Variants in SUSD5 observed in about 807,000 individuals in gnomAD.
The protein encoded by SUSD5 is sushi domain-containing protein 5.
A neutral mutation model predicts 29.5 loss-of-function variants in SUSD5; 33 were observed. The observed-to-expected ratio is 1.12, with a 90% CI of 0.85 to 1.49. The LOEUF is 1.49. SUSD5 is among the 40% of genes most tolerant of loss of function. The probability of loss-of-function intolerance (pLI) is 0.00; values close to 1 mark genes in which losing one functional copy is unlikely to be tolerated. For synonymous variants in SUSD5, 308 were observed against 325.3 expected (o/e 0.95, Z 0.57); for missense variants, 776 against 800.6 (o/e 0.97, Z 0.37).
chr3:33,166,595 C>A (rs555348987), intron 4 of SUSD5, among the ~76,000 whole-genome samples: 1 of 152,270 alleles, frequency 6.6e-6, no homozygotes, highest in South Asian at 2.1e-4. Flanking sequence ...CCAGGAACTT[C>A]CTGAGAACAA....
chr3:33,159,293 C>T (rs1173289475), intron 4 of SUSD5, among the ~76,000 whole-genome samples: 1 of 152,144 alleles, frequency 6.6e-6, no homozygotes, highest in Non-Finnish European at 1.5e-5. Flanking sequence ...CAGAATTCTA[C>T]CCAAATAACC....
intron 3 of SUSD5, among the ~76,000 whole-genome samples, chr3:33,206,874 G>A (rs2032230825): frequency 6.6e-6 from 1 of 152,114 alleles, no homozygotes; most frequent in African/African-American, 2.4e-5. Flanking sequence ...AGAATCTTTA[G>A]CGCTGGCACT....
intron 1 of SUSD5, among the ~76,000 whole-genome samples, chr3:33,216,870 T>A (rs1419324122): frequency 6.6e-6 from 1 of 152,158 alleles, no homozygotes; most frequent in Admixed American, 6.5e-5. Flanking sequence ...CTGGTTCTAG[T>A]ATAAAAGTTG....
At chr3:33,213,244 T>C (rs1354606570) in intron 2 of SUSD5, among the ~76,000 whole-genome samples, 2 of 151,626 alleles carry the variant, frequency 1.3e-5, no homozygotes, top group Non-Finnish European at 2.9e-5. Context: ...TTTTTACCTC[T>C]ATAAAAAAAA....
chr3:33,192,256 T>C (rs1307311216), intron 3 of SUSD5, among the ~76,000 whole-genome samples: 2 of 150,568 alleles, frequency 1.3e-5, no homozygotes, highest in African/African-American at 2.4e-5. Flanking sequence ...TTTCTTTTTT[T>C]TTTTTTTGTA....
At chr3:33,197,670 C>T (rs1198784583) in intron 3 of SUSD5, among the ~76,000 whole-genome samples, 5 of 152,134 alleles carry the variant, frequency 3.3e-5, no homozygotes, top group African/African-American at 7.2e-5. Context: ...GCTACTTTCG[C>T]TCACTGGTAG....
At chr3:33,185,575 C>T (rs2031761546) in intron 3 of SUSD5, among the ~76,000 whole-genome samples, 1 of 152,208 alleles carries the variant, frequency 6.6e-6, no homozygotes, top group South Asian at 2.1e-4. Flanking sequence ...ATTCTAGGGA[C>T]AGCAGTTTGC....
intron 4 of SUSD5, among the ~76,000 whole-genome samples, chr3:33,172,941 C>A (rs1309061920): frequency 6.6e-6 from 1 of 152,014 alleles, no homozygotes; most frequent in African/African-American, 2.4e-5. Flanking sequence ...TAGAAAACTA[C>A]AAAACCAACT....
intron 4 of SUSD5, among the ~76,000 whole-genome samples, chr3:33,160,078 G>A (rs2031148369): frequency 6.6e-6 from 1 of 152,152 alleles, no homozygotes; most frequent in African/African-American, 2.4e-5. Flanking sequence ...GCAAGGGAAG[G>A]AAACTTTGAT....
intron 3 of SUSD5, among the ~76,000 whole-genome samples, chr3:33,186,579 A>G (rs2031784381): frequency 6.6e-6 from 1 of 151,716 alleles, no homozygotes; most frequent in African/African-American, 2.4e-5. Flanking sequence ...GGCGCGTGCC[A>G]CCATGCCCAG....
chr3:33,213,593 G>A (rs1399308155), intron 2 of SUSD5, among the ~76,000 whole-genome samples: 1 of 152,072 alleles, frequency 6.6e-6, no homozygotes, highest in East Asian at 1.9e-4. Context: ...GGCCAATATG[G>A]TGAAACCCCA....
At chr3:33,216,863 G>A (rs549591535) in intron 1 of SUSD5, among the ~76,000 whole-genome samples, 1 of 152,172 alleles carries the variant, frequency 6.6e-6, no homozygotes, top group East Asian at 1.9e-4. Context: ...ACTCTTCCTG[G>A]TTCTAGTATA....
At chr3:33,211,926 T>TG (rs1173636300) in intron 2 of SUSD5, among the ~76,000 whole-genome samples, 2 of 151,996 alleles carry the variant, frequency 1.3e-5, no homozygotes, top group Admixed American at 1.3e-4. Context: ...AGGTGAGAGG[T>TG]GGGGGTCTAG....
At chr3:33,172,094 A>G (rs2031438249) in intron 4 of SUSD5, among the ~76,000 whole-genome samples, 1 of 152,070 alleles carries the variant, frequency 6.6e-6, no homozygotes, top group African/African-American at 2.4e-5. Flanking sequence ...AGATGGATCC[A>G]ATTCCAAAAT....
chr3:33,166,742 G>C (rs2031312662), intron 4 of SUSD5, among the ~76,000 whole-genome samples: 1 of 152,222 alleles, frequency 6.6e-6, no homozygotes, highest in African/African-American at 2.4e-5. Context: ...GTGAATTACA[G>C]TTTTTACAAA....
chr3:33,173,430 T>C (rs924995566), intron 4 of SUSD5, among the ~76,000 whole-genome samples: 5 of 152,242 alleles, frequency 3.3e-5, no homozygotes, highest in Admixed American at 6.5e-5. Context: ...TATAGCAGCA[T>C]AGTTTGTGAC....
chr3:33,201,097 G>C (rs2032108518), intron 3 of SUSD5, among the ~76,000 whole-genome samples: 1 of 152,158 alleles, frequency 6.6e-6, no homozygotes, highest in South Asian at 2.1e-4. Context: ...TTTCTAAAAA[G>C]GCAAATAACA....
At chr3:33,183,868 C>A (rs1309477978) in intron 3 of SUSD5, among the ~76,000 whole-genome samples, 1 of 148,328 alleles carries the variant, frequency 6.7e-6, no homozygotes, top group Non-Finnish European at 1.5e-5. Flanking sequence ...TTTCTTAGGG[C>A]ATACAATTTT....
intron 3 of SUSD5, among the ~76,000 whole-genome samples, chr3:33,197,685 A>G (rs905233728): frequency 6.6e-6 from 1 of 152,154 alleles, no homozygotes; most frequent in African/African-American, 2.4e-5. Context: ...TGGTAGTTTT[A>G]CCTTTTCTAG....
Sources: allele counts gnomAD v4.1 joint callset (sites outside exome capture counted in the v4.1 genomes callset), GRCh38; gene constraint gnomAD v4.1.1; transcripts MANE v1.5; gene names NCBI Gene and HGNC (gene_info 2026-07-23, HGNC 2026-07-21).